SUMF2: variants seen among roughly 807,000 people sequenced by gnomAD.
The protein encoded by SUMF2 is sulfatase modifying factor 2, also known as inactive C-alpha-formylglycine-generating enzyme 2.
A neutral mutation model predicts 44.8 loss-of-function variants in SUMF2; 45 were observed. The ratio of observed to expected loss-of-function variants is 1.00; its 90% CI spans 0.79 to 1.29. The LOEUF is 1.29. Among genes scored for constraint, SUMF2 ranks in the 50% most tolerant of loss-of-function variants. The pLI, the probability that SUMF2 is intolerant of heterozygous loss-of-function variation, is 0.00. For missense variants in SUMF2, 418 were observed against 389.9 expected, an observed-to-expected ratio of 1.07 and a Z score of -0.61; for synonymous variants, 148 against 150.4, an observed-to-expected ratio of 0.98 and a Z score of 0.12.
At chr7:56,079,451 T>G in intron 8 of SUMF2, 77 bp from the exon 9 acceptor site, 1 of 1,417,916 alleles carries the variant, frequency 7.1e-7, no homozygotes, top group South Asian at 1.3e-5. Flanking sequence ...GCCCTGCGGA[T>G]GAGGCAGGCA....
chr7:56,080,922 A>G, downstream of SUMF2: 1 of 1,059,528 alleles, frequency 9.4e-7, no homozygotes, highest in Non-Finnish European at 1.3e-6. Flanking sequence ...TCGTGGCCTC[A>G]GTTCCAGGGG....
downstream of SUMF2, chr7:56,080,790 C>G (rs1795933946): frequency 1.9e-6 from 1 of 523,792 alleles, no homozygotes; most frequent in Non-Finnish European, 3.5e-6. Context: ...AGTAGAGGAG[C>G]AGGGGGTTCC....
rs546182128 is a variant in SUMF2 at position 56,075,425 on chromosome 7, A to G, written c.535+689A>G. Among the ~76,000 whole-genome samples, 4 of 152,090 alleles carry G rather than the reference A, an allele frequency of 2.6e-5. No individual in the cohort carries two copies. The East Asian group carries it at 7.8e-4, about 30-fold the overall frequency. On this transcript the variant is annotated intron_variant, in intron 5 of 8. Coordinates refer to ENST00000434526, the MANE Select transcript of SUMF2 (RefSeq NM_015411.4). ...AGAGTCACTGTTTGCGGCCGGGCGC[A>G]GTGGCTCACGCCTGTAATCAAAGCA...
chr7:56,074,441 C>T (rs1297014323), intron 4 of SUMF2, 145 bp from the exon 5 acceptor site: 2 of 1,159,170 alleles, frequency 1.7e-6, no homozygotes, highest in East Asian at 4.9e-5. Flanking sequence ...TTTTTTCTGA[C>T]TCCGACCACT....
Position 56,079,581 on chromosome 7 carries a change from C to G in SUMF2, c.875C>G (p.Ala292Gly). 6.2e-7 allele frequency: 1 copy of G among 1,614,206 alleles called. No individual in the cohort carries two copies. The highest frequency in any genetic ancestry group is 8.5e-7 in the Non-Finnish European group (1 of 1,180,038). ...ASDNLGFRCAADAGRPPGEL is the reference protein window; with the variant it reads ...ASDNLGFRCAGDAGRPPGEL Reference sequence around the variant, plus strand: ...GACAACCTCGGTTTCCGCTGTGCTGCAGACGCAGGCCGGCCGCCAGGGGAG... The same window carrying G: ...GACAACCTCGGTTTCCGCTGTGCTGGAGACGCAGGCCGGCCGCCAGGGGAG... Residue 292 changes from alanine (A) to glycine (G), a missense_variant, in exon 9 of 9, where the codon GCA becomes GGA. Coordinates refer to ENST00000434526, the MANE Select transcript of SUMF2 (RefSeq NM_015411.4).
chr7:56,074,539 A>G, intron 4 of SUMF2, 47 bp from the exon 5 acceptor site: 2 of 1,605,094 alleles, frequency 1.2e-6, no homozygotes, highest in Non-Finnish European at 1.7e-6. Context: ...CCTGCCTCCG[A>G]CTTAATGCGC....
chr7:56,077,164 A>C (rs1207707737), intron 6 of SUMF2, among the ~76,000 whole-genome samples: 1 of 149,168 alleles, frequency 6.7e-6, no homozygotes, highest in Non-Finnish European at 1.5e-5. Context: ...CTCCTGCCCC[A>C]GTCTCCCAAG....
intron 2 of SUMF2, 109 bp from the exon 3 acceptor site, chr7:56,072,888 T>C (rs1795271327): frequency 4.2e-6 from 3 of 720,664 alleles, no homozygotes; most frequent in Non-Finnish European, 7.3e-6. Flanking sequence ...ATGAACACTC[T>C]GTGGTGTATA....
At chr7:56,076,520 CTA>C (rs958073992) in intron 5 of SUMF2, 4 of 260,262 alleles carry the variant, frequency 1.5e-5, no homozygotes, top group Non-Finnish European at 2.9e-5. Context: ...TTTATGCAAT[CTA>C]AGTCCAATTT....
chr7:56,087,574 G>A, the SUMF2 span: 24 of 1,601,382 alleles, frequency 1.5e-5, no homozygotes, highest in South Asian at 3.3e-5. Context: ...GCACCCTGCC[G>A]TGTGGCTTGG....
At chr7:56,081,302 G>C (rs774479751), downstream of SUMF2, 7 of 1,603,576 alleles carry the variant, frequency 4.4e-6, no homozygotes, top group African/African-American at 9.4e-5. The surrounding 1 kb of genome is among the most constrained non-coding windows in gnomAD (Gnocchi z 4.6). Context: ...GCGATCACCT[G>C]CAGGGCCAGG....
chr7:56,064,721 CAAAA>C (rs753520418), intron 1 of SUMF2, among the ~76,000 whole-genome samples: 97 of 145,892 alleles, frequency 6.6e-4, no homozygotes, highest in Non-Finnish European at 1.3e-3. Flanking sequence ...AATACAAAAA[CAAAA>C]AAACACAACT....
chr7:56,081,003 A>G, downstream of SUMF2: 3 of 1,601,406 alleles, frequency 1.9e-6, no homozygotes, highest in Non-Finnish European at 2.6e-6. The surrounding 1 kb of genome is among the most constrained non-coding windows in gnomAD (Gnocchi z 4.6). Flanking sequence ...TTGTATTTCC[A>G]TGGCTTCCCC....
downstream of SUMF2, among the ~76,000 whole-genome samples, chr7:56,084,918 G>T (rs1038148895): frequency 1.3e-5 from 2 of 152,088 alleles, no homozygotes; most frequent in African/African-American, 4.8e-5. Flanking sequence ...GTCCCCAAGG[G>T]CTATACAGGA....
Position 56,078,476 on chromosome 7 carries a change from C to G in SUMF2, c.789C>G (p.Gly263=). The G allele has an allele frequency of 6.3e-7, 1 of 1,593,602 alleles. No individual in the cohort carries two copies. Among genetic ancestry groups the G allele is most frequent in the Non-Finnish European group, 8.6e-7 (1 of 1,169,414 alleles). Residue 263 remains glycine (G), a synonymous_variant, in exon 8 of 9, where the codon GGC becomes GGG. Coordinates refer to ENST00000434526, the MANE Select transcript of SUMF2 (RefSeq NM_015411.4). Reference sequence around the variant, plus strand: ...CATCCTGGATCGACACAGCTGATGGCTCTGCCAATCACCGGGCCCGGGTCA... The same window carrying G: ...CATCCTGGATCGACACAGCTGATGGGTCTGCCAATCACCGGGCCCGGGTCA... ...RGASWIDTAD[G]SANHRARVTT...
At chr7:56,077,967 A>C in intron 6 of SUMF2, 135 bp from the exon 7 acceptor site, 7 of 696,938 alleles carry the variant, frequency 1.0e-5, no homozygotes, top group South Asian at 3.6e-5. Flanking sequence ...CTAGATAGGA[A>C]TCTTAGGTCA....
rs771536046 is a variant in SUMF2, at chr7:56,073,635, CTG to C, written c.339+528_339+529del. ...CTCCAGCCTGGGTGACAGAGTGAGA[CTG>C]TGTCTCAAAAGAAAAAAAAAAAGAG... On this transcript the variant is annotated intron_variant, in intron 3 of 8. Transcript: ENST00000434526. 2.3e-5 allele frequency: 4 copies of C among 176,534 alleles called. No individual in the cohort carries two copies. In the East Asian group the frequency reaches 4.4e-4, roughly 19 times the overall value. 10.9% of individuals were successfully genotyped at this position (176,534 alleles called of 1,614,324 possible).
chr7:56,075,069 G>A (rs1795449201), intron 5 of SUMF2, among the ~76,000 whole-genome samples: 1 of 152,060 alleles, frequency 6.6e-6, no homozygotes, highest in Non-Finnish European at 1.5e-5. Context: ...CTGCTGTCTG[G>A]CCTGAGTGAC....
Position 56,079,945 on chromosome 7 carries a change from A to C in SUMF2, c.*333A>C. 1 of 1,278,410 alleles carries C rather than the reference A, an allele frequency of 7.8e-7. No homozygotes were observed. The highest frequency in any genetic ancestry group is 1.1e-6 in the Non-Finnish European group (1 of 939,826). The allele number at this position is 1,278,410 out of a possible 1,614,324, so 79.2% of individuals were successfully genotyped here. On this transcript the variant is annotated 3_prime_UTR_variant, in exon 9 of 9. Coordinates refer to ENST00000434526, the MANE Select transcript of SUMF2 (RefSeq NM_015411.4). ...CCATTTTTTAAGCATTTTAAAATCT[A>C]TTCTCTCCCCCTTTCTCCCTGGATG...
Sources: allele counts gnomAD v4.1 joint callset (sites outside exome capture counted in the v4.1 genomes callset), GRCh38; gene constraint gnomAD v4.1.1; non-coding constraint Gnocchi (gnomAD v3.1); transcripts MANE v1.5; gene names NCBI Gene and HGNC (gene_info 2026-07-23, HGNC 2026-07-21).